The following PDS5A variants were observed in gnomAD, a reference collection of about 807,000 sequenced individuals.
PDS5A encodes sister chromatid cohesion protein PDS5 homolog A.
In PDS5A, 42 loss-of-function variants were observed where a neutral mutation model predicts 167.1. That is an observed-to-expected ratio of 0.25 (90% CI 0.20 to 0.33). The LOEUF is 0.33. Ranked by LOEUF, PDS5A falls within the 10% of genes least tolerant of loss-of-function variation. The probability of loss-of-function intolerance (pLI) is 1.00; values close to 1 mark genes in which losing one functional copy is unlikely to be tolerated. For synonymous variants in PDS5A, 553 were observed against 554.6 expected (o/e 1.00, Z 0.04); for missense variants, 1,033 against 1,605.9 (o/e 0.64, Z 6.10).
At chr4:39,845,986 A>G in intron 28 of PDS5A, 106 bp from the exon 29 acceptor site, 1 of 932,958 alleles carries the variant, frequency 1.1e-6, no homozygotes, top group South Asian at 4.3e-5. Flanking sequence ...TTGCAATAAT[A>G]AATACACTTG....
intron 31 of PDS5A, among the ~76,000 whole-genome samples, chr4:39,840,237 C>A (rs1289050401): frequency 6.6e-6 from 1 of 152,278 alleles, no homozygotes; most frequent in South Asian, 2.1e-4. Flanking sequence ...ATGCTCCTAT[C>A]GATTATGCAC....
intron 2 of PDS5A, 39 bp from the exon 3 acceptor site, chr4:39,928,203 G>T: frequency 7.4e-7 from 1 of 1,355,172 alleles, no homozygotes; most frequent in Non-Finnish European, 1.0e-6. Context: ...ATTAACTCCT[G>T]GAATTTAGAA....
intron 16 of PDS5A, among the ~76,000 whole-genome samples, chr4:39,893,162 G>T (rs931383198): frequency 6.6e-6 from 1 of 152,146 alleles, no homozygotes; most frequent in Non-Finnish European, 1.5e-5. Context: ...TCATGGGGAG[G>T]GGGGCAATGG....
In PDS5A at chr4:39,913,637, A is replaced by G. The variant is rs368201880; in HGVS notation, c.966T>C (p.Arg322=). The change falls in exon 9 of 33, where the codon CGT becomes CGC. Residue 322 remains arginine (R), a synonymous_variant. Coordinates refer to ENST00000303538, the MANE Select transcript of PDS5A (RefSeq NM_001100399.2). ...GTCCAAGAAAACATTGCCAAAGAGG[A>G]CGATTCTGTGTTGCCAAATCAGAAT... ...SKDSDLATQN[R]PLWQCFLGRF... The G allele has an allele frequency of 1.0e-5, 16 of 1,604,184 alleles. No homozygotes were observed. The highest frequency in any genetic ancestry group is 1.4e-5 in the Non-Finnish European group (16 of 1,171,118).
Position 39,904,111 on chromosome 4 carries a change from T to C in PDS5A, c.1314A>G (p.Glu438=), listed in dbSNP as rs755011968. 1 of 1,612,042 alleles carries C rather than the reference T, an allele frequency of 6.2e-7. No individual in the cohort carries two copies. The highest frequency in any genetic ancestry group is 2.2e-5 in the East Asian group (1 of 44,832). The part of the protein sequence containing the change: ...KYCLHGEAGK[E]AAEKVSWIKD... ...TTATCCAGCTGACTTTCTCTGCAGC[T>C]TCCTTTCCTGCTTCACCATGAAGAC... Residue 438 remains glutamate, a synonymous_variant, in exon 12 of 33, where the codon GAA becomes GAG. Transcript: ENST00000303538.
intron 2 of PDS5A, among the ~76,000 whole-genome samples, chr4:39,943,771 C>T (rs936464553): frequency 1.3e-5 from 2 of 151,880 alleles, no homozygotes; most frequent in Non-Finnish European, 2.9e-5. Flanking sequence ...CGTATCACTG[C>T]ACTCCAGCCT....
At chr4:39,879,997 C>A (rs1354771792) in intron 17 of PDS5A, among the ~76,000 whole-genome samples, 164 bp from the exon 18 acceptor site, 1 of 152,144 alleles carries the variant, frequency 6.6e-6, no homozygotes, top group Non-Finnish European at 1.5e-5. Flanking sequence ...TAAACTTCTA[C>A]TTAGTTTATC....
At chr4:39,973,430 G>C in intron 2 of PDS5A, 1 of 1,468,182 alleles carries the variant, frequency 6.8e-7, no homozygotes, top group Non-Finnish European at 9.5e-7. Flanking sequence ...TGGACAGCAG[G>C]AGTAGCTGCA....
chr4:39,909,625 TC>T (rs1723722501), intron 10 of PDS5A, among the ~76,000 whole-genome samples: 1 of 152,200 alleles, frequency 6.6e-6, no homozygotes, highest in Admixed American at 6.5e-5. Context: ...TATAATCTGT[TC>T]AAAAAATTCT....
intron 9 of PDS5A, among the ~76,000 whole-genome samples, chr4:39,910,600 C>G (rs1723799545): frequency 6.6e-6 from 1 of 152,212 alleles, no homozygotes; most frequent in Non-Finnish European, 1.5e-5. Context: ...ACACATCCTT[C>G]AACCCAAACT....
At chr4:39,899,544 A>C (rs1031700673) in intron 14 of PDS5A, among the ~76,000 whole-genome samples, 6 of 152,006 alleles carry the variant, frequency 3.9e-5, no homozygotes, top group African/African-American at 1.4e-4. Context: ...CTATCTGTTG[A>C]TTTATTTTCA....
intron 2 of PDS5A, among the ~76,000 whole-genome samples, chr4:39,929,519 C>CTATA (rs58069502): frequency 0.015 from 1,178 of 79,094 alleles, 27 homozygotes; most frequent in African/African-American, 0.033. Flanking sequence ...ACTTAATAAA[C>CTATA]TATATATATA....
At chr4:39,920,431 A>C (rs1387541109) in intron 6 of PDS5A, 32 bp from the exon 7 acceptor site, 3 of 987,230 alleles carry the variant, frequency 3.0e-6, no homozygotes, top group Non-Finnish European at 4.8e-6. Context: ...GAAAGTTACA[A>C]ATAAATGTTA....
At chr4:39,942,166 G>C (rs6843847) in intron 2 of PDS5A, among the ~76,000 whole-genome samples, 2,959 of 152,008 alleles carry the variant, frequency 0.019, 94 homozygotes, top group African/African-American at 0.067. Flanking sequence ...AATTTTGTTT[G>C]CCTTTTCCAC....
chr4:39,940,234 G>GA (rs767785699), intron 2 of PDS5A, among the ~76,000 whole-genome samples: 64 of 151,048 alleles, frequency 4.2e-4, no homozygotes, highest in Admixed American at 2.6e-4. Context: ...AAAAATAAAA[G>GA]AAAAAAGAAA....
intron 18 of PDS5A, among the ~76,000 whole-genome samples, chr4:39,879,366 A>G (rs963490834): frequency 1.1e-4 from 16 of 151,966 alleles, no homozygotes; most frequent in Non-Finnish European, 2.9e-5. Flanking sequence ...CAAATATACC[A>G]AGAAATACTC....
chr4:39,869,571 A>G (rs1719844023), intron 21 of PDS5A, 109 bp from the exon 22 acceptor site: 3 of 711,572 alleles, frequency 4.2e-6, no homozygotes, highest in Non-Finnish European at 7.5e-6. Flanking sequence ...ACCTACGGGA[A>G]CATCACCAAC....
chr4:39,966,560 T>G (rs1261267293), intron 2 of PDS5A, among the ~76,000 whole-genome samples: 1 of 152,210 alleles, frequency 6.6e-6, no homozygotes, highest in Non-Finnish European at 1.5e-5. Context: ...CACAAAACCC[T>G]ACTTAATTTT....
chr4:39,881,901 A>G (rs1389453543), intron 17 of PDS5A, among the ~76,000 whole-genome samples: 1 of 152,180 alleles, frequency 6.6e-6, no homozygotes. Context: ...AGTTTCCTCC[A>G]TATTGTTCTT....
Sources: allele counts gnomAD v4.1 joint callset (sites outside exome capture counted in the v4.1 genomes callset), GRCh38; gene constraint gnomAD v4.1.1; transcripts MANE v1.5; gene names NCBI Gene and HGNC (gene_info 2026-07-23, HGNC 2026-07-21).